Variants in RNF13 observed in about 807,000 individuals in gnomAD.
RNF13 encodes the protein ring finger protein 13.
A neutral mutation model predicts 37.7 loss-of-function variants in RNF13; 19 were observed. The observed-to-expected ratio is 0.50, with a 90% CI of 0.35 to 0.74. The LOEUF (loss-of-function observed/expected upper bound fraction) is 0.74, where lower values mean the gene tolerates loss of function less well. Ranked by LOEUF, RNF13 falls within the 30% of genes least tolerant of loss-of-function variation. RNF13 has a pLI of 0.01. For synonymous variants in RNF13, 144 were observed against 157.8 expected (o/e 0.91, Z 0.65); for missense variants, 375 against 453.0 (o/e 0.83, Z 1.56).
At chr3:149,867,924 A>C (rs1711543853) in intron 3 of RNF13, among the ~76,000 whole-genome samples, 2 of 151,476 alleles carry the variant, frequency 1.3e-5, no homozygotes, top group African/African-American at 4.8e-5. Context: ...TTTTATTTTT[A>C]GTGAATCTGT....
intron 4 of RNF13, among the ~76,000 whole-genome samples, chr3:149,885,831 C>G (rs1713962874): frequency 6.6e-6 from 1 of 152,072 alleles, no homozygotes; most frequent in Non-Finnish European, 1.5e-5. Context: ...GAGATTTTCC[C>G]CAATGTTTTC....
intron 6 of RNF13, among the ~76,000 whole-genome samples, chr3:149,905,233 C>T (rs1442399904): frequency 6.6e-6 from 1 of 152,052 alleles, no homozygotes; most frequent in East Asian, 1.9e-4. Context: ...TTTTATTGTA[C>T]CCTCACCAAC....
At chr3:149,865,826 G>A (rs1242100130) in intron 3 of RNF13, among the ~76,000 whole-genome samples, 2 of 152,026 alleles carry the variant, frequency 1.3e-5, no homozygotes, top group African/African-American at 2.4e-5. Context: ...TACAGGAAAG[G>A]GGTCCCGATC....
chr3:149,921,951 T>C (rs930197453), intron 8 of RNF13, among the ~76,000 whole-genome samples: 1 of 152,004 alleles, frequency 6.6e-6, no homozygotes, highest in Non-Finnish European at 1.5e-5. Flanking sequence ...CCACATCCTC[T>C]CCAGCATCTG....
chr3:149,819,586 T>C (rs1055669800), intron 1 of RNF13, among the ~76,000 whole-genome samples: 14 of 152,160 alleles, frequency 9.2e-5, no homozygotes, highest in African/African-American at 3.4e-4. Context: ...TTAGTTGTGT[T>C]GCATTTTGGT....
chr3:149,933,222 T>C (rs1376275650), intron 8 of RNF13, among the ~76,000 whole-genome samples: 1 of 151,356 alleles, frequency 6.6e-6, no homozygotes, highest in East Asian at 1.9e-4. Flanking sequence ...TCTTTCCTCC[T>C]AGGCCTCTGG....
At position 149,912,069 on chromosome 3, in the gene RNF13, A is replaced by G. The variant is rs1717051028; in HGVS notation, c.592A>G (p.Ile198Val). ...CATAGTGGGCATCTGTCTCATCTTGATAGTCATTTTCATGGTAGGTACATT... is the reference window on the plus strand; with the variant it reads ...CATAGTGGGCATCTGTCTCATCTTGGTAGTCATTTTCATGGTAGGTACATT... ...LIIVGICLIL[I>V]VIFMITKFVQ... Residue 198 changes from isoleucine (I) to valine (V), a missense_variant, in exon 7 of 10, where the codon ATA becomes GTA. Physicochemically the swap from Ile to Val is conservative, Grantham distance 29. Coordinates refer to ENST00000392894, the MANE Select transcript of RNF13 (RefSeq NM_183381.3). The G allele has an allele frequency of 6.5e-7, 1 of 1,535,022 alleles. No homozygotes were observed. The highest frequency in any genetic ancestry group is 9.0e-7 in the Non-Finnish European group (1 of 1,110,886).
chr3:149,851,605 T>A (rs1290889776), intron 2 of RNF13: 1 of 152,206 alleles, frequency 6.6e-6, no homozygotes, highest in Non-Finnish European at 1.5e-5. Context: ...ATCCTTTGTA[T>A]CTATATGCAA....
intron 1 of RNF13, among the ~76,000 whole-genome samples, chr3:149,834,113 A>T (rs1242453062): frequency 6.6e-6 from 1 of 152,220 alleles, no homozygotes; most frequent in Non-Finnish European, 1.5e-5. Context: ...AATAAAGAGG[A>T]CATAAATAAA....
intron 3 of RNF13, among the ~76,000 whole-genome samples, chr3:149,869,467 G>C (rs959509656): frequency 6.6e-6 from 1 of 151,190 alleles, no homozygotes; most frequent in East Asian, 1.9e-4. Flanking sequence ...TTAGCCGGGC[G>C]TAGTGGCGGG....
chr3:149,852,611 A>G lies in RNF13; in HGVS notation c.195+15A>G, dbSNP rs530492677. ...AAGGTTTAAAGGTAAGACAGTTGGT[A>G]ATACATTGTAAAGACACAAGGTATT... On this transcript the variant is annotated intron_variant, in intron 3 of 9. Transcript: ENST00000392894. 120 of 1,294,506 alleles carry G rather than the reference A, an allele frequency of 9.3e-5. No homozygotes were observed. Among genetic ancestry groups the G allele is most frequent in the East Asian group, 2.4e-5 (1 of 41,274 alleles). The allele number at this position is 1,294,506 out of a possible 1,614,324, so 80.2% of individuals were successfully genotyped here.
At chr3:149,850,549 A>G (rs911010670) in intron 2 of RNF13, among the ~76,000 whole-genome samples, 2 of 152,232 alleles carry the variant, frequency 1.3e-5, no homozygotes, top group African/African-American at 4.8e-5. Context: ...CAAGCTAGAC[A>G]TTTTATTTCT....
chr3:149,908,508 C>T (rs1260147456), intron 6 of RNF13, among the ~76,000 whole-genome samples: 2 of 152,162 alleles, frequency 1.3e-5, no homozygotes, highest in African/African-American at 4.8e-5. Flanking sequence ...TATGTTACCT[C>T]AGAATTCCTC....
At chr3:149,820,162 G>A (rs991291481) in intron 1 of RNF13, among the ~76,000 whole-genome samples, 16 of 151,992 alleles carry the variant, frequency 1.1e-4, no homozygotes, top group African/African-American at 3.9e-4. Context: ...TTAGAAATAC[G>A]TTGACCTTGA....
intron 4 of RNF13, among the ~76,000 whole-genome samples, chr3:149,882,924 A>T (rs778343859): frequency 6.6e-6 from 1 of 152,178 alleles, no homozygotes; most frequent in Non-Finnish European, 1.5e-5. Flanking sequence ...AAATACAGGT[A>T]TACTTCTGAA....
chr3:149,837,458 C>G (rs915232369), intron 1 of RNF13, among the ~76,000 whole-genome samples: 2 of 152,090 alleles, frequency 1.3e-5, no homozygotes, highest in East Asian at 3.9e-4. Context: ...ATAAAGACAC[C>G]TGAGACTGGG....
intron 8 of RNF13, among the ~76,000 whole-genome samples, chr3:149,950,404 C>T (rs776734901): frequency 4.6e-5 from 7 of 152,018 alleles, no homozygotes; most frequent in African/African-American, 1.5e-4. Context: ...GTAAATAGGC[C>T]GTTAGTCATG....
At chr3:149,876,131 C>T (rs1423326475) in intron 4 of RNF13, among the ~76,000 whole-genome samples, 1 of 152,182 alleles carries the variant, frequency 6.6e-6, no homozygotes, top group Non-Finnish European at 1.5e-5. Flanking sequence ...CAGATGCTTT[C>T]ATTACTTGGG....
intron 3 of RNF13, among the ~76,000 whole-genome samples, chr3:149,863,777 G>T (rs1367384161): frequency 3.3e-5 from 5 of 152,118 alleles, no homozygotes; most frequent in African/African-American, 1.2e-4. Context: ...TGCTGTCAAA[G>T]ATTTTGTTAA....
Sources: gnomAD v4.1 joint callset for allele counts (sites outside exome capture counted in the v4.1 genomes callset) on GRCh38, gnomAD v4.1.1 for gene constraint, MANE v1.5 for transcripts, NCBI Gene and HGNC (gene_info 2026-07-23, HGNC 2026-07-21) for gene names.